The following TMC6 variants were observed in gnomAD, a reference collection of about 807,000 sequenced individuals.
The protein encoded by TMC6 is transmembrane channel-like protein 6.
A neutral mutation model predicts 95.4 loss-of-function variants in TMC6; 71 were observed. The ratio of observed to expected loss-of-function variants is 0.74; its 90% CI spans 0.61 to 0.91. The LOEUF is 0.91. Ranked by LOEUF, TMC6 falls within the 40% of genes least tolerant of loss-of-function variation. The pLI is 0.00. For synonymous variants in TMC6, 514 were observed against 483.1 expected, an observed-to-expected ratio of 1.06 and a Z score of -0.84; for missense variants, 1,074 against 1,079.1, an observed-to-expected ratio of 1.00 and a Z score of 0.07.
chr17:78,121,010 C>T lies in TMC6; in HGVS notation c.1535+3G>A. ...AATGATGTTTTCATGTGCGGCCACA[C>T]ACCTGCAGATGGCCACGTACACCTC... On this transcript the variant is annotated splice_donor_region_variant and intron_variant, in intron 12 of 19. Coordinates refer to ENST00000590602, the MANE Select transcript of TMC6 (RefSeq NM_001127198.5). The surrounding 1 kb of genome is among the most constrained non-coding windows in gnomAD (Gnocchi z 5.6). The T allele has an allele frequency of 1.9e-6, 3 of 1,613,366 alleles. No homozygotes were observed. Among genetic ancestry groups the T allele is most frequent in the Non-Finnish European group, 2.5e-6 (3 of 1,180,016 alleles).
At position 78,126,799 on chromosome 17, in the gene TMC6, G is replaced by A. The variant is rs1029266376; in HGVS notation, c.34C>T (p.Pro12Ser). ...TACCCCTGGTCCCCTGGGGTCTCAG[G>A]GACATCGAGGATGAAGGCCAGTGGC... Reference protein sequence around the residue: ...AQPLAFILDVPETPGDQGQGP... With the variant: ...AQPLAFILDVSETPGDQGQGP... The change falls in exon 2 of 20, where the codon CCT becomes TCT. Residue 12 changes from proline (P) to serine (S), a missense_variant. Transcript: ENST00000590602. 1.9e-6 allele frequency: 3 copies of A among 1,613,250 alleles called. No homozygotes were observed. The highest frequency in any genetic ancestry group is 2.5e-6 in the Non-Finnish European group (3 of 1,179,966).
Position 78,124,098 on chromosome 17 carries a change from C to T in TMC6, c.973G>A (p.Gly325Ser), listed in dbSNP as rs1471056316. The change falls in exon 9 of 20, where the codon GGC becomes AGC. Residue 325 changes from glycine to serine, a missense_variant. Physicochemically the swap from Gly to Ser is moderately conservative, Grantham distance 56. Transcript: ENST00000590602. ...LNQPCGSPLDGSQCTPRVGGL... is the reference protein window; with the variant it reads ...LNQPCGSPLDSSQCTPRVGGL... ...CCCACCCTGGGTGTGCACTGGCTGCCATCCAGGGGGCTGCCACACGGCTGG... is the reference window on the plus strand; with the variant it reads ...CCCACCCTGGGTGTGCACTGGCTGCTATCCAGGGGGCTGCCACACGGCTGG... 6.2e-7 allele frequency: 1 copy of T among 1,613,208 alleles called. No homozygotes were observed. The highest frequency in any genetic ancestry group is 8.5e-7 in the Non-Finnish European group (1 of 1,179,970).
upstream of TMC6, chr17:78,131,074 A>ATGCC (rs2074952018): frequency 5.2e-6 from 1 of 192,908 alleles, no homozygotes; most frequent in African/African-American, 2.4e-5. Flanking sequence ...GATGTGGCAG[A>ATGCC]TGCCGAGTCC....
Position 78,122,193 on chromosome 17 carries a change from G to A in TMC6, c.1227+412C>T, listed in dbSNP as rs1204467811. On this transcript the variant is annotated intron_variant, in intron 10 of 19. Transcript: ENST00000590602. The surrounding 1 kb of genome is among the most constrained non-coding windows in gnomAD (Gnocchi z 4.9). ...AGCCTCCTGGCCCCGCAACCTCTAC[G>A]AGGGCCTCGGCCTCTATGCCTCAGT... Among the ~76,000 whole-genome samples the A allele has an allele frequency of 6.6e-6, 1 of 152,048 alleles. No individual in the cohort carries two copies. The highest frequency in any genetic ancestry group is 2.4e-5 in the African/African-American group (1 of 41,404).
chr17:78,114,461 G>A (rs1360226798), intron 18 of TMC6, among the ~76,000 whole-genome samples: 1 of 152,050 alleles, frequency 6.6e-6, no homozygotes, highest in Non-Finnish European at 1.5e-5. Context: ...CTTAGGACGG[G>A]GACATCTTTG....
chr17:78,119,382 C>T lies in TMC6; in HGVS notation c.1726G>A (p.Glu576Lys), dbSNP rs121908328. 27 of 1,613,170 alleles carry T rather than the reference C, an allele frequency of 1.7e-5. No individual in the cohort carries two copies. In the East Asian group the frequency reaches 2.7e-4, roughly 16 times the overall value. Residue 576 changes from glutamate (E) to lysine (K), a missense_variant, in exon 14 of 20, where the codon GAG becomes AAG. Glu to Lys is a moderately conservative substitution (Grantham distance 56). Coordinates refer to ENST00000590602, the MANE Select transcript of TMC6 (RefSeq NM_001127198.5). Reference protein sequence around the residue: ...FGELVWRIISEKKLKRRRKPE... With the variant: ...FGELVWRIISKKKLKRRRKPE... Reference sequence around the variant, plus strand: ...TTCCGCCTCCTCTTCAGCTTCTTCTCGGAGATAATCCTGCCTCCGAGGACC... The same window carrying T: ...TTCCGCCTCCTCTTCAGCTTCTTCTTGGAGATAATCCTGCCTCCGAGGACC...
At position 78,121,519 on chromosome 17, in the gene TMC6, G is replaced by C; in HGVS notation, c.1383+37C>G. The C allele has an allele frequency of 6.2e-7, 1 of 1,610,486 alleles. No individual in the cohort carries two copies. The highest frequency in any genetic ancestry group is 2.2e-5 in the East Asian group (1 of 44,850). On this transcript the variant is annotated intron_variant, in intron 11 of 19. Transcript: ENST00000590602. The surrounding 1 kb of genome is among the most constrained non-coding windows in gnomAD (Gnocchi z 5.6). ...AGGTGCCCAGAGTCACTGGGGACAC[G>C]TTCCAAGCAAGGGCCAGGCTCCCCC...
chr17:78,118,258 G>C (rs560773924), intron 15 of TMC6: 1 of 445,734 alleles, frequency 2.2e-6, no homozygotes, highest in Non-Finnish European at 4.1e-6. Context: ...AAGGCCAGAC[G>C]AGACAGGAGC....
In TMC6 at chr17:78,117,639, T is replaced by G. The variant is rs774969729; in HGVS notation, c.2027A>C (p.Lys676Thr). 4 of 1,569,644 alleles carry G rather than the reference T, an allele frequency of 2.5e-6. No homozygotes were observed. Among genetic ancestry groups the G allele is most frequent in the Non-Finnish European group, 3.5e-6 (4 of 1,158,308 alleles). The change falls in exon 17 of 20, where the codon AAG (lysine) becomes ACG (threonine). Residue 676 changes from lysine (K) to threonine (T), a missense_variant. Lys to Thr is a moderately conservative substitution (Grantham distance 78). Coordinates refer to ENST00000590602, the MANE Select transcript of TMC6 (RefSeq NM_001127198.5). ...VFLCYAVWQVKPSSTCGPFRT... is the reference protein window; with the variant it reads ...VFLCYAVWQVTPSSTCGPFRT... Reference sequence around the variant, plus strand: ...GAAGGGGCCGCAGGTGCTCGAGGGCTTCACCCTGGGGAAGATGCCGACCAG... The same window carrying G: ...GAAGGGGCCGCAGGTGCTCGAGGGCGTCACCCTGGGGAAGATGCCGACCAG...
At chr17:78,131,425 G>A, upstream of TMC6, 1 of 955,708 alleles carries the variant, frequency 1.0e-6, no homozygotes, top group Non-Finnish European at 1.6e-6. Context: ...CCCTAGGGCT[G>A]CAGGAGCCCA....
At chr17:78,132,331 C>A, upstream of TMC6, 1 of 1,611,958 alleles carries the variant, frequency 6.2e-7, no homozygotes, top group Non-Finnish European at 8.5e-7. Context: ...CCCCGGCCTC[C>A]CTGACCCACC....
At chr17:78,130,423 G>T (rs935300497), upstream of TMC6, among the ~76,000 whole-genome samples, 4 of 152,240 alleles carry the variant, frequency 2.6e-5, no homozygotes, top group Non-Finnish European at 5.9e-5. Context: ...GTCAAGTCCT[G>T]CCTATCCAGG....
At chr17:78,119,945 G>A (rs1159309388) in intron 13 of TMC6, 2 of 346,124 alleles carry the variant, frequency 5.8e-6, no homozygotes, top group Admixed American at 3.8e-5. Flanking sequence ...ACCACACCGG[G>A]CCTCCTACTG....
rs920836434 is a variant in TMC6 at position 78,109,520 on chromosome 17, A to C, written c.*3628T>G. ...GTCATCATGAAAACCAGAAGCAGAC[A>C]CTCAGGAGGCTGAGGCGGGAGGATC... On this transcript the variant is annotated 3_prime_UTR_variant, in exon 20 of 20. Coordinates refer to ENST00000590602, the MANE Select transcript of TMC6 (RefSeq NM_001127198.5). The C allele has an allele frequency of 2.2e-6, 1 of 456,528 alleles. No individual in the cohort carries two copies. The highest frequency in any genetic ancestry group is 4.4e-6 in the Non-Finnish European group (1 of 226,940). The allele number at this position is 456,528 out of a possible 1,614,324, so 28.3% of individuals were successfully genotyped here.
At position 78,107,415 on chromosome 17, in the gene TMC6, C is replaced by T. The variant is rs919012806; in HGVS notation, c.*5733G>A. 2 of 152,142 alleles carry T rather than the reference C, an allele frequency of 1.3e-5. No homozygotes were observed. Among genetic ancestry groups the T allele is most frequent in the African/African-American group, 2.4e-5 (1 of 41,408 alleles). The allele number at this position is 152,142 out of a possible 1,614,324, so 9.4% of individuals were successfully genotyped here. The stretch of plus-strand genomic sequence containing the variant: ...TCGAAAGTTGCTTTCGAAAGTACAA[C>T]GCTTTATTGAATCTTAATAAATTGC... On this transcript the variant is annotated 3_prime_UTR_variant, in exon 20 of 20. Coordinates refer to ENST00000590602, the MANE Select transcript of TMC6 (RefSeq NM_001127198.5).
rs1333325100 is a variant in TMC6, at chr17:78,122,916, T to G, written c.1083-167A>C. On this transcript the variant is annotated intron_variant, in intron 9 of 19. Transcript: ENST00000590602. The surrounding 1 kb of genome is among the most constrained non-coding windows in gnomAD (Gnocchi z 4.9). Reference sequence around the variant, plus strand: ...CACCCCTGCCCCACCACCAGCCCTCTACACCAGTCTCATCCAACATAGCAC... The same window carrying G: ...CACCCCTGCCCCACCACCAGCCCTCGACACCAGTCTCATCCAACATAGCAC... 1.1e-6 allele frequency: 1 copy of G among 871,272 alleles called. No homozygotes were observed. The highest frequency in any genetic ancestry group is 1.8e-6 in the Non-Finnish European group (1 of 551,982). 54.0% of individuals were successfully genotyped at this position (871,272 alleles called of 1,614,324 possible). A position where few individuals can be genotyped will look rare whatever the true frequency, so the allele number is the denominator to read the frequency against.
Position 78,121,720 on chromosome 17 carries a change from G to A in TMC6, c.1228-9C>T, listed in dbSNP as rs538258694. On this transcript the variant is annotated splice_polypyrimidine_tract_variant and intron_variant, in intron 10 of 19. Transcript: ENST00000590602. This position sits in a 1 kb window ranked among gnomAD's most constrained non-coding sequence, Gnocchi z 5.6. ...CACTCGGCCAGCAGCTCCTGCAGGC[G>A]GCACCGTGTCCCCGTCACCCACACC... 3.4e-5 allele frequency: 54 copies of A among 1,573,802 alleles called. No homozygotes were observed. The highest frequency in any genetic ancestry group is 2.4e-4 in the South Asian group (21 of 88,176).
intron 4 of TMC6, 113 bp downstream of exon 4, chr17:78,126,164 C>CTACG: frequency 7.0e-7 from 1 of 1,427,454 alleles, no homozygotes; most frequent in East Asian, 2.5e-5. Context: ...TGGCTCTGAG[C>CTACG]TACGGGAGCA....
At chr17:78,130,112 T>G (rs2074921237), upstream of TMC6, among the ~76,000 whole-genome samples, 1 of 152,140 alleles carries the variant, frequency 6.6e-6, no homozygotes, top group Admixed American at 6.5e-5. Context: ...GACAGAGAAT[T>G]GGCAAAGATA....
Sources: gnomAD v4.1 joint callset for allele counts (sites outside exome capture counted in the v4.1 genomes callset) on GRCh38, gnomAD v4.1.1 for gene constraint, Gnocchi (gnomAD v3.1) non-coding constraint, MANE v1.5 for transcripts, NCBI Gene and HGNC (gene_info 2026-07-23, HGNC 2026-07-21) for gene names.